Variants in TLN2 observed in about 807,000 individuals in gnomAD.
TLN2 encodes talin 2.
A neutral mutation model predicts 294.7 loss-of-function variants in TLN2; 118 were observed. That is an observed-to-expected ratio of 0.40 (90% CI 0.34 to 0.47). The LOEUF is 0.47. TLN2 is among the 20% of genes least tolerant of loss of function. The probability of loss-of-function intolerance (pLI) is 0.84; values close to 1 mark genes in which losing one functional copy is unlikely to be tolerated. For missense variants in TLN2, 3,083 were observed against 3,282.2 expected (o/e 0.94, Z 1.48); for synonymous variants, 1,431 against 1,304.5 (o/e 1.10, Z -2.09).
chr15:62,560,228 T>A lies in TLN2; in HGVS notation c.-237-29459T>A, dbSNP rs532026981. Among the ~76,000 whole-genome samples the A allele has an allele frequency of 8.9e-4, 136 of 152,312 alleles. 1 individual carries two copies. Among genetic ancestry groups the A allele is most frequent in the Non-Finnish European group, 1.5e-3 (104 of 68,020 alleles). ...AATGATTCATCCTATTTTCCAATTC[T>A]AATACTCCGTGTTTTTTTGTTTGTT... On this transcript the variant is annotated intron_variant, in intron 1 of 58. Transcript: ENST00000636159.
At chr15:62,611,735 C>G (rs2047932289) in intron 2 of TLN2, among the ~76,000 whole-genome samples, 1 of 152,178 alleles carries the variant, frequency 6.6e-6, no homozygotes, top group Non-Finnish European at 1.5e-5. Context: ...CTAAGACCAT[C>G]AGCTTTGGAG....
chr15:62,487,984 G>A (rs2140400547), intron 1 of TLN2, among the ~76,000 whole-genome samples: 1 of 152,058 alleles, frequency 6.6e-6, no homozygotes, highest in Non-Finnish European at 1.5e-5. Context: ...AGGCTGAAGT[G>A]GGAGGATCAC....
At chr15:62,703,627 GCACACACACA>G (rs71131124) in intron 19 of TLN2, among the ~76,000 whole-genome samples, 1 of 116,730 alleles carries the variant, frequency 8.6e-6, no homozygotes, top group African/African-American at 3.1e-5. Context: ...ACACACGCGC[GCACACACACA>G]CACACACACA....
At chr15:62,536,428 A>G (rs1173149632) in intron 1 of TLN2, among the ~76,000 whole-genome samples, 4 of 152,174 alleles carry the variant, frequency 2.6e-5, no homozygotes, top group Non-Finnish European at 5.9e-5. Context: ...TGTGGCACCA[A>G]TTTGGGTGCA....
intron 1 of TLN2, among the ~76,000 whole-genome samples, chr15:62,461,298 G>A (rs1031624521): frequency 6.6e-6 from 1 of 151,730 alleles, no homozygotes; most frequent in Non-Finnish European, 1.5e-5. Context: ...GTGTCCTCTT[G>A]TTTCTGGTTT....
chr15:62,760,061 G>A (rs1462961202), intron 37 of TLN2, among the ~76,000 whole-genome samples: 1 of 152,216 alleles, frequency 6.6e-6, no homozygotes, highest in Non-Finnish European at 1.5e-5. Context: ...GTAAGTGGTA[G>A]TGAGAAATGA....
At chr15:62,529,311 C>T (rs1395674502) in intron 1 of TLN2, among the ~76,000 whole-genome samples, 3 of 152,044 alleles carry the variant, frequency 2.0e-5, no homozygotes. Flanking sequence ...CAGGGCTGGT[C>T]TCGAACTCCT....
rs895271928 is a variant in TLN2, at chr15:62,652,961, T to C, written c.365-201T>C. ...AAGTGTTCAAGTTTGTTACCTGTTT[T>C]CCCCCACAGTGTGAATATGACTTAA... On this transcript the variant is annotated intron_variant, in intron 6 of 58. Coordinates refer to ENST00000636159, the MANE Select transcript of TLN2 (RefSeq NM_015059.3). 3.4e-4 allele frequency among the ~76,000 whole-genome samples: 51 copies of C among 152,100 alleles called. 1 individual carries two copies. Among genetic ancestry groups the C allele is most frequent in the Non-Finnish European group, 6.6e-4 (45 of 68,002 alleles).
intron 28 of TLN2, among the ~76,000 whole-genome samples, chr15:62,736,038 C>T (rs1303111569): frequency 1.3e-5 from 2 of 152,048 alleles, no homozygotes; most frequent in Admixed American, 6.6e-5. Context: ...AAAGGCTGGG[C>T]GCAGTGGCTG....
chr15:62,740,148 C>A (rs1045161561), intron 31 of TLN2, among the ~76,000 whole-genome samples: 1 of 151,736 alleles, frequency 6.6e-6, no homozygotes, highest in Non-Finnish European at 1.5e-5. Flanking sequence ...AGATGGCAAC[C>A]GGGTGAGAAA....
At chr15:62,452,759 G>C (rs1374755824) in intron 1 of TLN2, among the ~76,000 whole-genome samples, 1 of 152,202 alleles carries the variant, frequency 6.6e-6, no homozygotes. Context: ...GAGGAGAAGG[G>C]ACTTAACTTG....
chr15:62,668,747 G>A (rs1365527737), intron 9 of TLN2, among the ~76,000 whole-genome samples: 1 of 152,170 alleles, frequency 6.6e-6, no homozygotes, highest in Non-Finnish European at 1.5e-5. Flanking sequence ...CAAGATGCCG[G>A]CTTCCCACGG....
chr15:62,449,459 T>C (rs2035984606), intron 1 of TLN2, among the ~76,000 whole-genome samples: 2 of 152,166 alleles, frequency 1.3e-5, no homozygotes, highest in African/African-American at 2.4e-5. Flanking sequence ...TACACATTCC[T>C]GTGCAGCACC....
chr15:62,676,315 T>C (rs2141013430), intron 11 of TLN2, among the ~76,000 whole-genome samples: 2 of 152,316 alleles, frequency 1.3e-5, no homozygotes, highest in Admixed American at 1.3e-4. Context: ...GATTAGTTAT[T>C]AATACATTAA....
At chr15:62,474,424 C>G (rs2037670737) in intron 1 of TLN2, among the ~76,000 whole-genome samples, 1 of 152,068 alleles carries the variant, frequency 6.6e-6, no homozygotes, top group Non-Finnish European at 1.5e-5. Flanking sequence ...GAGAGGATTG[C>G]TTGAGCCTGG....
intron 37 of TLN2, among the ~76,000 whole-genome samples, chr15:62,756,704 T>C (rs898693001): frequency 6.6e-6 from 1 of 152,062 alleles, no homozygotes; most frequent in African/African-American, 2.4e-5. Context: ...CTCCAGAGGA[T>C]AGGACACTGC....
At chr15:62,796,337 C>A in intron 47 of TLN2, 44 bp downstream of exon 47, 1 of 1,563,090 alleles carries the variant, frequency 6.4e-7, no homozygotes, top group South Asian at 1.2e-5. Context: ...GCTGGCCTGC[C>A]CCTGAAACTC....
intron 54 of TLN2, chr15:62,831,526 T>G (rs1297872609): frequency 6.6e-6 from 1 of 152,074 alleles, no homozygotes; most frequent in Non-Finnish European, 1.5e-5. Context: ...ATTTGGGGAC[T>G]GACTACACAA....
chr15:62,416,310 G>C (rs981553533), intron 1 of TLN2, among the ~76,000 whole-genome samples: 3 of 152,004 alleles, frequency 2.0e-5, no homozygotes, highest in Non-Finnish European at 2.9e-5. Flanking sequence ...CAATAAATAA[G>C]TAGATTAATT....
Sources: allele counts gnomAD v4.1 joint callset (sites outside exome capture counted in the v4.1 genomes callset), GRCh38; gene constraint gnomAD v4.1.1; transcripts MANE v1.5; gene names NCBI Gene and HGNC (gene_info 2026-07-23, HGNC 2026-07-21).